CACNA2D3: variants seen among roughly 807,000 people sequenced by gnomAD.
CACNA2D3 encodes the protein calcium voltage-gated channel auxiliary subunit alpha2delta 3.
Under a neutral mutation model 160.6 loss-of-function variants are expected in CACNA2D3, and 60 were observed. The observed-to-expected ratio is 0.37, with a 90% CI of 0.30 to 0.46. The LOEUF is 0.46. Among genes scored for constraint, CACNA2D3 ranks in the 20% least tolerant of loss-of-function variants. The pLI, the probability that CACNA2D3 is intolerant of heterozygous loss-of-function variation, is 1.00. For synonymous variants in CACNA2D3, 558 were observed against 492.9 expected, an observed-to-expected ratio of 1.13 and a Z score of -1.75; for missense variants, 1,205 against 1,365.0, an observed-to-expected ratio of 0.88 and a Z score of 1.85.
intron 3 of CACNA2D3, among the ~76,000 whole-genome samples, chr3:54,326,281 G>A (rs1039556336): frequency 2.6e-5 from 4 of 152,044 alleles, no homozygotes; most frequent in African/African-American, 9.7e-5. Flanking sequence ...AGAGATTTAC[G>A]CCAATCTTCC....
At chr3:54,941,572 A>G (rs181605248) in intron 27 of CACNA2D3, among the ~76,000 whole-genome samples, 26 of 152,304 alleles carry the variant, frequency 1.7e-4, no homozygotes, top group South Asian at 4.1e-4. Flanking sequence ...GGGTTTTTCA[A>G]TATCTATCAT....
chr3:54,720,350 A>G (rs2106985782), intron 11 of CACNA2D3, among the ~76,000 whole-genome samples: 1 of 152,068 alleles, frequency 6.6e-6, no homozygotes, highest in African/African-American at 2.4e-5. Flanking sequence ...TCTAATTTTT[A>G]TTGTGAACTT....
chr3:54,829,845 C>T (rs549928159), intron 14 of CACNA2D3, among the ~76,000 whole-genome samples: 1 of 142,036 alleles, frequency 7.0e-6, no homozygotes, highest in South Asian at 2.5e-4. Context: ...TCCCCTGTCA[C>T]ATTCTCAGAT....
Position 54,138,731 on chromosome 3 carries a change from GCATTTGGGGAAGTAGAGCC to G in CACNA2D3, c.204+15140_204+15158del, listed in dbSNP as rs1230418102. Among the ~76,000 whole-genome samples, 10 of 152,264 alleles carry G rather than the reference GCATTTGGGGAAGTAGAGCC, an allele frequency of 6.6e-5. No individual in the cohort carries two copies. In the East Asian group the frequency reaches 1.7e-3, roughly 26 times the overall value. ...ATGAGTCATATTCCATCCTCATTCTGCATTTGGGGAAGTAGAGCCCAAGATCACGAAGCTAGTGATGGAA... is the reference window on the plus strand; with the variant it reads ...ATGAGTCATATTCCATCCTCATTCTGCAAGATCACGAAGCTAGTGATGGAA... On this transcript the variant is annotated intron_variant, in intron 2 of 37. Coordinates refer to ENST00000474759, the MANE Select transcript of CACNA2D3 (RefSeq NM_018398.3).
chr3:55,037,823 G>A (rs920035387), intron 35 of CACNA2D3, among the ~76,000 whole-genome samples: 1 of 152,070 alleles, frequency 6.6e-6, no homozygotes, highest in African/African-American at 2.4e-5. Flanking sequence ...AAACTGTAAG[G>A]TACAACCCTG....
chr3:54,435,078 A>C (rs978931698), intron 4 of CACNA2D3, among the ~76,000 whole-genome samples: 5 of 152,066 alleles, frequency 3.3e-5, no homozygotes, highest in Non-Finnish European at 7.4e-5. Context: ...AGTATACTAC[A>C]AAGTTGATGG....
intron 2 of CACNA2D3, among the ~76,000 whole-genome samples, chr3:54,159,317 T>C (rs1700300967): frequency 6.6e-6 from 1 of 152,220 alleles, no homozygotes; most frequent in Non-Finnish European, 1.5e-5. Flanking sequence ...TGCATTGTGC[T>C]TTAATTTGGT....
rs376923938 is a variant in CACNA2D3 at position 54,159,196 on chromosome 3, A to G, written c.204+35602A>G. On this transcript the variant is annotated intron_variant, in intron 2 of 37. Coordinates refer to ENST00000474759, the MANE Select transcript of CACNA2D3 (RefSeq NM_018398.3). Reference sequence around the variant, plus strand: ...CATGATCATTCAAGATGATTTAGAAAGTGGGGATGTAGAAATAAGTTTAAG... The same window carrying G: ...CATGATCATTCAAGATGATTTAGAAGGTGGGGATGTAGAAATAAGTTTAAG... Among the ~76,000 whole-genome samples the G allele has an allele frequency of 5.2e-4, 79 of 152,344 alleles. 1 individual carries two copies. The highest frequency in any genetic ancestry group is 1.8e-3 in the African/African-American group (76 of 41,588).
chr3:55,061,956 A>G (rs1003466787), intron 35 of CACNA2D3, among the ~76,000 whole-genome samples: 2 of 152,238 alleles, frequency 1.3e-5, no homozygotes, highest in Non-Finnish European at 2.9e-5. Context: ...AAACTTCTAT[A>G]GAAGGTCAGA....
intron 4 of CACNA2D3, among the ~76,000 whole-genome samples, chr3:54,446,980 A>G (rs1164728587): frequency 6.6e-6 from 1 of 152,184 alleles, no homozygotes; most frequent in Non-Finnish European, 1.5e-5. Flanking sequence ...GGTATCCTAG[A>G]AGGAGCGTTT....
chr3:54,891,475 G>A lies in CACNA2D3; in HGVS notation c.2246+25G>A, dbSNP rs1397206128. ...AGTAAGTAGGAGGGATCCTCTACAG[G>A]GGCCCAGGGAGCTTCTGAAATGGAA... On this transcript the variant is annotated intron_variant, in intron 25 of 37. Coordinates refer to ENST00000474759, the MANE Select transcript of CACNA2D3 (RefSeq NM_018398.3). The A allele has an allele frequency of 2.6e-6, 4 of 1,520,472 alleles. 1 individual carries two copies. The South Asian group carries it at 4.5e-5, about 17-fold the overall frequency. The allele number at this position is 1,520,472 out of a possible 1,614,324, so 94.2% of individuals were successfully genotyped here.
intron 14 of CACNA2D3, among the ~76,000 whole-genome samples, chr3:54,834,111 C>T (rs1703934801): frequency 6.6e-6 from 1 of 152,208 alleles, no homozygotes; most frequent in South Asian, 2.1e-4. Context: ...ATACTATATT[C>T]TGGCTTAATA....
chr3:54,865,964 C>G (rs1297845778), intron 17 of CACNA2D3, among the ~76,000 whole-genome samples: 1 of 151,906 alleles, frequency 6.6e-6, no homozygotes, highest in South Asian at 2.1e-4. Flanking sequence ...TAGCCCCAGA[C>G]CACACAGCAT....
intron 2 of CACNA2D3, chr3:54,177,719 C>T (rs1317488207): frequency 6.6e-6 from 1 of 152,220 alleles, no homozygotes; most frequent in Non-Finnish European, 1.5e-5. Flanking sequence ...CTCTACTTCA[C>T]GCTCTTCTGA....
chr3:54,748,257 A>C (rs1701792682), intron 11 of CACNA2D3, among the ~76,000 whole-genome samples: 1 of 152,198 alleles, frequency 6.6e-6, no homozygotes, highest in South Asian at 2.1e-4. Context: ...TGCAGAAAGG[A>C]GAAAATTTGA....
At chr3:54,510,798 G>A (rs748220577) in intron 5 of CACNA2D3, among the ~76,000 whole-genome samples, 7 of 152,138 alleles carry the variant, frequency 4.6e-5, no homozygotes, top group Non-Finnish European at 8.8e-5. Flanking sequence ...GAAAGTGAAG[G>A]TGCAGCATCC....
At chr3:54,322,129 A>T (rs529522678) in intron 3 of CACNA2D3, among the ~76,000 whole-genome samples, 1 of 152,226 alleles carries the variant, frequency 6.6e-6, no homozygotes, top group Admixed American at 6.5e-5. Context: ...GGGGCCATGC[A>T]GCATGCTGCC....
At chr3:54,847,074 T>C (rs1488647821) in intron 17 of CACNA2D3, among the ~76,000 whole-genome samples, 4 of 152,254 alleles carry the variant, frequency 2.6e-5, no homozygotes, top group Non-Finnish European at 5.9e-5. Flanking sequence ...AGTATCATTT[T>C]TACTGTCTCT....
chr3:54,443,869 A>G (rs1037918806), intron 4 of CACNA2D3, among the ~76,000 whole-genome samples: 3 of 152,138 alleles, frequency 2.0e-5, no homozygotes, highest in Admixed American at 6.5e-5. Context: ...GTAGAGTTCT[A>G]TTGCAAAACA....
Sources: gnomAD v4.1 joint callset for allele counts (sites outside exome capture counted in the v4.1 genomes callset) on GRCh38, gnomAD v4.1.1 for gene constraint, MANE v1.5 for transcripts, NCBI Gene and HGNC (gene_info 2026-07-23, HGNC 2026-07-21) for gene names.